Variants in CHST9 observed in about 807,000 individuals in gnomAD.
CHST9 encodes the protein carbohydrate sulfotransferase 9.
A neutral mutation model predicts 44.4 loss-of-function variants in CHST9; 41 were observed. The ratio of observed to expected loss-of-function variants is 0.92; its 90% CI spans 0.72 to 1.20. CHST9 has a LOEUF of 1.20. Among genes scored for constraint, CHST9 ranks in the 50% most tolerant of loss-of-function variants. The pLI is 0.00. For missense variants in CHST9, 504 were observed against 516.5 expected (o/e 0.98, Z 0.23); for synonymous variants, 171 against 178.4 (o/e 0.96, Z 0.33).
At chr18:27,163,714 C>A (rs2143937515) in intron 1 of CHST9, among the ~76,000 whole-genome samples, 1 of 152,304 alleles carries the variant, frequency 6.6e-6, no homozygotes, top group Non-Finnish European at 1.5e-5. Context: ...CCATCTGTCA[C>A]CCCTTTCTTT....
At chr18:26,986,515 GA>G (rs2056757105) in intron 4 of CHST9, among the ~76,000 whole-genome samples, 1 of 152,060 alleles carries the variant, frequency 6.6e-6, no homozygotes, top group Non-Finnish European at 1.5e-5. Context: ...TTAAAAATCT[GA>G]AAAATAATAG....
At chr18:27,175,561 G>A (rs1227530112) in intron 1 of CHST9, among the ~76,000 whole-genome samples, 3 of 152,000 alleles carry the variant, frequency 2.0e-5, no homozygotes, top group African/African-American at 7.2e-5. Flanking sequence ...TATGATATTT[G>A]GAGAGGTCAC....
chr18:27,057,765 G>A (rs12968277), intron 2 of CHST9, among the ~76,000 whole-genome samples: 1 of 152,090 alleles, frequency 6.6e-6, no homozygotes, highest in African/African-American at 2.4e-5. Context: ...TCTGCCATCC[G>A]GCATAGCGTG....
At chr18:26,951,445 T>C (rs1252861028) in intron 4 of CHST9, among the ~76,000 whole-genome samples, 1 of 152,194 alleles carries the variant, frequency 6.6e-6, no homozygotes, top group Non-Finnish European at 1.5e-5. Context: ...GTTATGATTC[T>C]GCATTTCAGA....
At chr18:27,087,922 G>A (rs1598713003) in intron 2 of CHST9, among the ~76,000 whole-genome samples, 1 of 152,082 alleles carries the variant, frequency 6.6e-6, no homozygotes, top group South Asian at 2.1e-4. Flanking sequence ...CAACAATTTT[G>A]GGTATTCCAA....
At chr18:27,182,176 G>C (rs1196984784) in intron 1 of CHST9, among the ~76,000 whole-genome samples, 1 of 152,026 alleles carries the variant, frequency 6.6e-6, no homozygotes, top group African/African-American at 2.4e-5. Flanking sequence ...TGGTGAAACT[G>C]TTTCTCCTCA....
chr18:27,024,107 G>C lies in CHST9; in HGVS notation c.202+9C>G. 1 of 1,611,316 alleles carries C rather than the reference G, an allele frequency of 6.2e-7. No homozygotes were observed. The highest frequency in any genetic ancestry group is 8.5e-7 in the Non-Finnish European group (1 of 1,178,454). On this transcript the variant is annotated intron_variant, in intron 4 of 5. Transcript: ENST00000618847. ...CCCAAGATTCAAACATTATGAGGAA[G>C]TTACTCACTGATTCTGGGTACAGGC...
intron 3 of CHST9, among the ~76,000 whole-genome samples, chr18:27,034,456 A>G (rs2057370991): frequency 6.6e-6 from 1 of 152,114 alleles, no homozygotes. Context: ...TGTGTCAGAG[A>G]GCTTAAAAAA....
chr18:26,916,763 AG>A lies in CHST9; in HGVS notation c.827del (p.Ala276ValfsTer11). ...TTTCCATGGGATCACGAACAAACAC[AG>A]CTTTGGTGTAAGTATTTAAGCGGGT... ...IYTRLNTYTK[A>X]VFVRDPMERL... On this transcript the variant is annotated frameshift_variant, in exon 6 of 6. Coordinates refer to ENST00000618847, the MANE Select transcript of CHST9 (RefSeq NM_031422.6). LOFTEE classifies it high-confidence loss of function. The A allele has an allele frequency of 6.2e-7, 1 of 1,613,918 alleles. No individual in the cohort carries two copies. The highest frequency in any genetic ancestry group is 8.5e-7 in the Non-Finnish European group (1 of 1,179,846).
At chr18:26,985,721 C>G (rs1023291223) in intron 4 of CHST9, among the ~76,000 whole-genome samples, 1 of 152,050 alleles carries the variant, frequency 6.6e-6, no homozygotes, top group Non-Finnish European at 1.5e-5. Context: ...TCATAATGAC[C>G]CAAGGCAGGG....
chr18:27,111,750 T>C (rs1362574001), intron 2 of CHST9, among the ~76,000 whole-genome samples: 1 of 152,190 alleles, frequency 6.6e-6, no homozygotes, highest in African/African-American at 2.4e-5. Context: ...AGCACTTGTA[T>C]TGGCAGACGA....
At chr18:27,060,755 T>A (rs553222021) in intron 2 of CHST9, among the ~76,000 whole-genome samples, 1 of 152,302 alleles carries the variant, frequency 6.6e-6, no homozygotes, top group East Asian at 1.9e-4. Flanking sequence ...CCATCTCCCT[T>A]AGTTTAGGTG....
intron 4 of CHST9, among the ~76,000 whole-genome samples, chr18:26,997,003 C>T (rs1234838220): frequency 6.6e-6 from 1 of 152,194 alleles, no homozygotes; most frequent in East Asian, 1.9e-4. Context: ...TTTTAAACAT[C>T]TTAGCACAAT....
At chr18:27,074,404 T>C (rs988638827) in intron 2 of CHST9, among the ~76,000 whole-genome samples, 15 of 152,334 alleles carry the variant, frequency 9.8e-5, no homozygotes, top group East Asian at 1.9e-4. Context: ...TAAAAATGTT[T>C]CAAGTTAATG....
At chr18:27,048,567 G>T in intron 2 of CHST9, 64 bp from the exon 3 acceptor site, 1 of 1,387,156 alleles carries the variant, frequency 7.2e-7, no homozygotes, top group Non-Finnish European at 1.0e-6. Context: ...AAAATAAGAT[G>T]AAAGCCCAGT....
intron 3 of CHST9, 146 bp from the exon 4 acceptor site, chr18:27,024,303 A>G (rs2057259456): frequency 1.5e-6 from 1 of 648,748 alleles, no homozygotes; most frequent in South Asian, 2.1e-5. Flanking sequence ...ATGAAATAAA[A>G]TGTGTCATCC....
At chr18:27,179,626 T>C (rs2058896012) in intron 1 of CHST9, among the ~76,000 whole-genome samples, 1 of 152,070 alleles carries the variant, frequency 6.6e-6, no homozygotes, top group South Asian at 2.1e-4. Context: ...AGAGTTTTTC[T>C]AAAAATATTC....
chr18:27,150,145 ACTTC>A (rs902941693), intron 1 of CHST9, among the ~76,000 whole-genome samples: 2 of 143,196 alleles, frequency 1.4e-5, no homozygotes, highest in Admixed American at 7.1e-5. Context: ...TCTCTTTGTC[ACTTC>A]CTTCCTTATC....
chr18:27,000,811 C>G (rs770099191), intron 4 of CHST9, among the ~76,000 whole-genome samples: 1 of 152,096 alleles, frequency 6.6e-6, no homozygotes, highest in Non-Finnish European at 1.5e-5. Flanking sequence ...TCCCTCCTAC[C>G]ACATCCCTGG....
Sources: allele counts gnomAD v4.1 joint callset (sites outside exome capture counted in the v4.1 genomes callset), GRCh38; gene constraint gnomAD v4.1.1; transcripts MANE v1.5; gene names NCBI Gene and HGNC (gene_info 2026-07-23, HGNC 2026-07-21).